Variants in TOR4A observed in about 807,000 individuals in gnomAD.
TOR4A encodes torsin-4A.
Under a neutral mutation model 11.5 loss-of-function variants are expected in TOR4A, and 12 were observed. The ratio of observed to expected loss-of-function variants is 1.04; its 90% CI spans 0.67 to 1.69. TOR4A has a LOEUF of 1.69. Among genes scored for constraint, TOR4A ranks in the 40% most tolerant of loss-of-function variants. The pLI, the probability that TOR4A is intolerant of heterozygous loss-of-function variation, is 0.00. For missense variants in TOR4A, 640 were observed against 643.2 expected (o/e 0.99, Z 0.05); for synonymous variants, 362 against 307.4 (o/e 1.18, Z -1.86).
chr9:137,280,054 T>A lies in TOR4A; in HGVS notation c.*93T>A, dbSNP rs1830696994. ...TGGTGCAGGCCCCTGAGGTTTCTAGTGAATTTGTGGCTGCCCGGCTGGTGG... is the reference window on the plus strand; with the variant it reads ...TGGTGCAGGCCCCTGAGGTTTCTAGAGAATTTGTGGCTGCCCGGCTGGTGG... On this transcript the variant is annotated 3_prime_UTR_variant, in exon 2 of 2. Coordinates refer to ENST00000357503, the MANE Select transcript of TOR4A (RefSeq NM_017723.3). The A allele has an allele frequency of 1.5e-6, 2 of 1,371,356 alleles. No individual in the cohort carries two copies. Among genetic ancestry groups the A allele is most frequent in the Non-Finnish European group, 2.0e-6 (2 of 1,021,090 alleles). The allele number at this position is 1,371,356 out of a possible 1,614,324, so 84.9% of individuals were successfully genotyped here. A position where few individuals can be genotyped will look rare whatever the true frequency, so the allele number is the denominator to read the frequency against.
chr9:137,279,851 C>T lies in TOR4A; in HGVS notation c.1162C>T (p.Gln388Ter). 1 of 1,591,154 alleles carries T rather than the reference C, an allele frequency of 6.3e-7. No homozygotes were observed. Among genetic ancestry groups the T allele is most frequent in the Non-Finnish European group, 8.5e-7 (1 of 1,172,602 alleles). ...GGCGGGTGAGGGCTTCTTTCCTGACCAGGCCCGCGCGGAGAACCTGGCCGC... is the reference window on the plus strand; with the variant it reads ...GGCGGGTGAGGGCTTCTTTCCTGACTAGGCCCGCGCGGAGAACCTGGCCGC... ...EMAGEGFFPDQARAENLAAQL... is the reference protein window; with the variant it reads ...EMAGEGFFPD The change falls in exon 2 of 2, where the codon CAG becomes TAG. Residue 388 changes from glutamine (Q) to a stop codon, truncating the protein, a stop_gained. Transcript: ENST00000357503. LOFTEE classifies it high-confidence loss of function.
rs1178720118 is a variant in TOR4A, at chr9:137,279,828, C to T, written c.1139C>T (p.Ala380Val). The T allele has an allele frequency of 3.1e-6, 5 of 1,597,296 alleles. No individual in the cohort carries two copies. The highest frequency in any genetic ancestry group is 1.7e-5 in the Admixed American group (1 of 58,944). ...GTCAGCTGCTTCCGGGACGAGATGG[C>T]GGGTGAGGGCTTCTTTCCTGACCAG... ...DVVSCFRDEM[A>V]GEGFFPDQAR... The change falls in exon 2 of 2, where the codon GCG becomes GTG. Residue 380 changes from alanine (A) to valine (V), a missense_variant. Physicochemically the swap from Ala to Val is moderately conservative, Grantham distance 64 (BLOSUM62 0). Coordinates refer to ENST00000357503, the MANE Select transcript of TOR4A (RefSeq NM_017723.3).
Position 137,281,698 on chromosome 9 carries a change from TG to T in TOR4A, c.*1741del. ...AGGACTCCCGCTGCTCCTGGAGTCT[TG>T]GGGAGGGGTCCGGCTCCACGGGGTG... is the stretch of plus-strand genomic sequence containing the variant. On this transcript the variant is annotated 3_prime_UTR_variant, in exon 2 of 2. Transcript: ENST00000357503. 2 of 146,600 alleles carry T rather than the reference TG, an allele frequency of 1.4e-5. No individual in the cohort carries two copies. 9.1% of individuals were successfully genotyped at this position (146,600 alleles called of 1,614,324 possible). A position where few individuals can be genotyped will look rare whatever the true frequency, so the allele number is the denominator to read the frequency against.
At position 137,280,752 on chromosome 9, in the gene TOR4A, C is replaced by G. The variant is rs1830707555; in HGVS notation, c.*791C>G. The stretch of plus-strand genomic sequence containing the variant: ...CCTTTCCCTGGGGCCTTTTGTGCCC[C>G]GAGTTCCGCCCACCCGCACCCTCTG... On this transcript the variant is annotated 3_prime_UTR_variant, in exon 2 of 2. Transcript: ENST00000357503. The G allele has an allele frequency of 6.0e-6, 1 of 167,112 alleles. No individual in the cohort carries two copies. Among genetic ancestry groups the G allele is most frequent in the South Asian group, 2.1e-4 (1 of 4,840 alleles). The allele number at this position is 167,112 out of a possible 1,614,324, so 10.4% of individuals were successfully genotyped here. A position where few individuals can be genotyped will look rare whatever the true frequency, so the allele number is the denominator to read the frequency against.
rs1365619165 is a variant in TOR4A, at chr9:137,279,394, C to T, written c.705C>T (p.Ala235=). Residue 235 remains alanine (A), a synonymous_variant, in exon 2 of 2, where the codon GCC becomes GCT. Coordinates refer to ENST00000357503, the MANE Select transcript of TOR4A (RefSeq NM_017723.3). ...HARHHCPEAR[A]AQDCREELAR... ...GGCACCACTGCCCCGAGGCGCGCGC[C>T]GCACAGGACTGCCGCGAGGAGCTGG... 3 of 1,524,540 alleles carry T rather than the reference C, an allele frequency of 2.0e-6. No homozygotes were observed. The Admixed American group carries it at 6.3e-5, about 32-fold the overall frequency. 94.4% of individuals were successfully genotyped at this position (1,524,540 alleles called of 1,614,324 possible).
rs1324217329 is a variant in TOR4A at position 137,282,549 on chromosome 9, T to G, written c.*2588T>G. On this transcript the variant is annotated 3_prime_UTR_variant, in exon 2 of 2. Coordinates refer to ENST00000357503, the MANE Select transcript of TOR4A (RefSeq NM_017723.3). ...TTACCTTGAGGCCAAATTCTGCGCT[T>G]AAGGAGAATGTGCACCAAGTGCTGG... The G allele has an allele frequency of 1.8e-5, 3 of 167,110 alleles. No homozygotes were observed. In the East Asian group the frequency reaches 5.8e-4, roughly 32 times the overall value. The allele number at this position is 167,110 out of a possible 1,614,324, so 10.4% of individuals were successfully genotyped here.
rs547697703 is a variant in TOR4A, at chr9:137,280,200, G to A, written c.*239G>A. On this transcript the variant is annotated 3_prime_UTR_variant, in exon 2 of 2. Transcript: ENST00000357503. Reference sequence around the variant, plus strand: ...CCAAACTTGCCCATTGCCCTGCTGGGCGTCCCAGGCATGGTCTGGTGCGTT... The same window carrying A: ...CCAAACTTGCCCATTGCCCTGCTGGACGTCCCAGGCATGGTCTGGTGCGTT... 1.5e-5 allele frequency: 9 copies of A among 595,650 alleles called. No individual in the cohort carries two copies. The South Asian group carries it at 2.0e-4, about 13-fold the overall frequency. 36.9% of individuals were successfully genotyped at this position (595,650 alleles called of 1,614,324 possible).
rs369904529 is a variant in TOR4A, at chr9:137,278,519, C to T, written c.-37-134C>T. On this transcript the variant is annotated intron_variant, in intron 1 of 1. Coordinates refer to ENST00000357503, the MANE Select transcript of TOR4A (RefSeq NM_017723.3). ...GAGGGGCGAGGCCGCGACCAGGCCC[C>T]TGGCCCTGGGGCAGCCCGGGCCGCA... The T allele has an allele frequency of 5.3e-5, 29 of 547,378 alleles. No homozygotes were observed. The East Asian group carries it at 6.1e-4, about 12-fold the overall frequency. 33.9% of individuals were successfully genotyped at this position (547,378 alleles called of 1,614,324 possible).
chr9:137,278,967 A>T lies in TOR4A; in HGVS notation c.278A>T (p.Lys93Met). The change falls in exon 2 of 2, where the codon AAG (lysine) becomes ATG (methionine). Residue 93 changes from lysine to methionine, a missense_variant. Physicochemically the swap from Lys to Met is moderately conservative, Grantham distance 95. Coordinates refer to ENST00000357503, the MANE Select transcript of TOR4A (RefSeq NM_017723.3). ...AELPSRTPRKKRRRSRLVLYP... is the reference protein window; with the variant it reads ...AELPSRTPRKMRRRSRLVLYP... ...CTACCCTCCAGGACGCCACGCAAGAAGCGCCGGCGCAGCCGCCTGGTGCTT... is the reference window on the plus strand; with the variant it reads ...CTACCCTCCAGGACGCCACGCAAGATGCGCCGGCGCAGCCGCCTGGTGCTT... 1 of 1,605,748 alleles carries T rather than the reference A, an allele frequency of 6.2e-7. No homozygotes were observed.
chr9:137,278,336 G>A (rs1201652695), intron 1 of TOR4A, among the ~76,000 whole-genome samples: 2 of 152,166 alleles, frequency 1.3e-5, no homozygotes, highest in African/African-American at 2.4e-5. Context: ...TGACTCCTTC[G>A]ACGACTCCTC....
chr9:137,279,301 C>T lies in TOR4A; in HGVS notation c.612C>T (p.Gly204=). The T allele has an allele frequency of 6.5e-7, 1 of 1,534,678 alleles. No individual in the cohort carries two copies. Among genetic ancestry groups the T allele is most frequent in the African/African-American group, 1.4e-5 (1 of 73,082 alleles). Residue 204 remains glycine, a synonymous_variant, in exon 2 of 2, where the codon GGC becomes GGT. Coordinates refer to ENST00000357503, the MANE Select transcript of TOR4A (RefSeq NM_017723.3). ...GPSGVGKSHV[G]RLLARHFRSV... is the part of the protein sequence containing the mutation. ...GTGGCGTGGGCAAGAGCCACGTGGG[C>T]CGCCTGCTGGCGCGCCACTTCCGCT...
chr9:137,278,607 G>A, intron 1 of TOR4A, 46 bp from the exon 2 acceptor site: 1 of 1,187,192 alleles, frequency 8.4e-7, no homozygotes. Context: ...CCGCGGGAAA[G>A]GGCAGTGGCG....
At position 137,278,851 on chromosome 9, in the gene TOR4A, G is replaced by A. The variant is rs751174332; in HGVS notation, c.162G>A (p.Gly54=). ...AGCCGGGTGGGGGGCCCGACGTCGG[G>A]ACCGGGGCGCCCAGGCCGGGCTGCA... The part of the protein sequence containing the change: ...LLQPGGGPDV[G]TGAPRPGCSP... Residue 54 remains glycine, a synonymous_variant, in exon 2 of 2, where the codon GGG becomes GGA. Coordinates refer to ENST00000357503, the MANE Select transcript of TOR4A (RefSeq NM_017723.3). 1.3e-6 allele frequency: 2 copies of A among 1,519,244 alleles called. No individual in the cohort carries two copies. Among genetic ancestry groups the A allele is most frequent in the South Asian group, 2.4e-5 (2 of 82,188 alleles). 94.1% of individuals were successfully genotyped at this position (1,519,244 alleles called of 1,614,324 possible).
Position 137,282,040 on chromosome 9 carries a change from C to A in TOR4A, c.*2079C>A, listed in dbSNP as rs555310572. The A allele has an allele frequency of 1.2e-5, 2 of 167,228 alleles. No homozygotes were observed. Among genetic ancestry groups the A allele is most frequent in the African/African-American group, 4.8e-5 (2 of 41,576 alleles). The allele number at this position is 167,228 out of a possible 1,614,324, so 10.4% of individuals were successfully genotyped here. A position where few individuals can be genotyped will look rare whatever the true frequency, so the allele number is the denominator to read the frequency against. On this transcript the variant is annotated 3_prime_UTR_variant, in exon 2 of 2. Transcript: ENST00000357503. ...TGCCCACTGCTCCCCAGGCAGGACC[C>A]CCAGGACTGTCAGCTCCCCTTCCCA...
At position 137,280,052 on chromosome 9, in the gene TOR4A, A is replaced by G; in HGVS notation, c.*91A>G. 1.4e-6 allele frequency: 2 copies of G among 1,387,640 alleles called. No homozygotes were observed. Among genetic ancestry groups the G allele is most frequent in the Non-Finnish European group, 1.9e-6 (2 of 1,035,392 alleles). 86.0% of individuals were successfully genotyped at this position (1,387,640 alleles called of 1,614,324 possible). A position where few individuals can be genotyped will look rare whatever the true frequency, so the allele number is the denominator to read the frequency against. ...GCTGGTGCAGGCCCCTGAGGTTTCT[A>G]GTGAATTTGTGGCTGCCCGGCTGGT... On this transcript the variant is annotated 3_prime_UTR_variant, in exon 2 of 2. Coordinates refer to ENST00000357503, the MANE Select transcript of TOR4A (RefSeq NM_017723.3).
At position 137,278,854 on chromosome 9, in the gene TOR4A, C is replaced by A; in HGVS notation, c.165C>A (p.Thr55=). ...CGGGTGGGGGGCCCGACGTCGGGAC[C>A]GGGGCGCCCAGGCCGGGCTGCAGCC... ...LQPGGGPDVG[T]GAPRPGCSPR... The change falls in exon 2 of 2, where the codon ACC becomes ACA. Residue 55 remains threonine (T), a synonymous_variant. Transcript: ENST00000357503. 6.6e-7 allele frequency: 1 copy of A among 1,519,840 alleles called. No homozygotes were observed. Among genetic ancestry groups the A allele is most frequent in the Non-Finnish European group, 8.8e-7 (1 of 1,140,652 alleles). 94.1% of individuals were successfully genotyped at this position (1,519,840 alleles called of 1,614,324 possible).
In TOR4A at chr9:137,280,037, G is replaced by GA; in HGVS notation, c.*76_*77insA. 1 of 1,431,348 alleles carries GA rather than the reference G, an allele frequency of 7.0e-7. No individual in the cohort carries two copies. The highest frequency in any genetic ancestry group is 9.3e-7 in the Non-Finnish European group (1 of 1,070,478). The allele number at this position is 1,431,348 out of a possible 1,614,324, so 88.7% of individuals were successfully genotyped here. Reference sequence around the variant, plus strand: ...CCAGGGACCTTGTGGGCTGGTGCAGGCCCCTGAGGTTTCTAGTGAATTTGT... The same window carrying GA: ...CCAGGGACCTTGTGGGCTGGTGCAGGACCCCTGAGGTTTCTAGTGAATTTGT... On this transcript the variant is annotated 3_prime_UTR_variant, in exon 2 of 2. Transcript: ENST00000357503.
In TOR4A at chr9:137,278,682, C is replaced by CCTGCGA; in HGVS notation, c.-6_-1dup. On this transcript the variant is annotated 5_prime_UTR_variant, in exon 2 of 2. Transcript: ENST00000357503. The stretch of plus-strand genomic sequence containing the variant: ...GGCGACCTGTATGCGGAGCGCCGTT[C>CCTGCGA]CTGCGACATGGACCGCGGCCAGCCC... 2 of 1,335,496 alleles carry CCTGCGA rather than the reference C, an allele frequency of 1.5e-6. No individual in the cohort carries two copies. Among genetic ancestry groups the CCTGCGA allele is most frequent in the South Asian group, 3.8e-5 (2 of 52,924 alleles). 82.7% of individuals were successfully genotyped at this position (1,335,496 alleles called of 1,614,324 possible).
In TOR4A at chr9:137,279,484, G is replaced by A. The variant is rs1299590957; in HGVS notation, c.795G>A (p.Leu265=). The A allele has an allele frequency of 1.9e-6, 3 of 1,562,600 alleles. No homozygotes were observed. The highest frequency in any genetic ancestry group is 2.4e-5 in the East Asian group (1 of 42,048). The change falls in exon 2 of 2, where the codon CTG becomes CTA. Residue 265 remains leucine (L), a synonymous_variant. Transcript: ENST00000357503. ...AGGAGAAGACCCCACTCTTGGTGCT[G>A]GACGACGTGGAGCTCATGCCGCGGC... ...EAEEKTPLLV[L]DDVELMPRPL... is the part of the protein sequence containing the mutation.
Sources: allele counts gnomAD v4.1 joint callset (sites outside exome capture counted in the v4.1 genomes callset), GRCh38; gene constraint gnomAD v4.1.1; transcripts MANE v1.5; gene names NCBI Gene and HGNC (gene_info 2026-07-23, HGNC 2026-07-21).